Variants in MEAK7 observed in about 807,000 individuals in gnomAD.
MEAK7 encodes MTOR associated protein MEAK7.
A neutral mutation model predicts 40.5 loss-of-function variants in MEAK7; 68 were observed. The observed-to-expected ratio is 1.68, with a 90% CI of 1.38 to 2.06. The LOEUF (loss-of-function observed/expected upper bound fraction) is 2.06, where lower values mean the gene tolerates loss of function less well. MEAK7 is among the 30% of genes most tolerant of loss of function. The pLI is 0.00. For missense variants in MEAK7, 918 were observed against 580.5 expected, an observed-to-expected ratio of 1.58 and a Z score of -5.98; for synonymous variants, 338 against 231.9, an observed-to-expected ratio of 1.46 and a Z score of -4.16.
intron 7 of MEAK7, 42 bp from the exon 8 acceptor site, chr16:84,480,068 C>T: frequency 1.4e-6 from 2 of 1,464,834 alleles, no homozygotes; most frequent in South Asian, 1.3e-5. Context: ...CATGATGGCC[C>T]AACAAGAGGC....
At chr16:84,490,840 G>C (rs921698279) in intron 3 of MEAK7, among the ~76,000 whole-genome samples, 7 of 152,010 alleles carry the variant, frequency 4.6e-5, no homozygotes, top group Non-Finnish European at 1.0e-4. Flanking sequence ...TCCGCTGTAT[G>C]AAGGACCTAA....
chr16:84,486,704 G>A lies in MEAK7; in HGVS notation c.885C>T (p.Val295=), dbSNP rs1404896855. 1.9e-6 allele frequency: 3 copies of A among 1,613,880 alleles called. No homozygotes were observed. The highest frequency in any genetic ancestry group is 2.7e-5 in the African/African-American group (2 of 74,900). The change falls in exon 5 of 8, where the codon GTC becomes GTT. Residue 295 remains valine, a synonymous_variant. Coordinates refer to ENST00000343629, the MANE Select transcript of MEAK7 (RefSeq NM_020947.4). ...ACACATGCTTGTCATGGTCCTCGAGGACAGCCACACAGGGTCCCCGGTGAG... is the reference window on the plus strand; with the variant it reads ...ACACATGCTTGTCATGGTCCTCGAGAACAGCCACACAGGGTCCCCGGTGAG... ...HITHRGPCVA[V]LEDHDKHVFG... is the part of the protein sequence containing the mutation.
rs1056930551 is a variant in MEAK7 at position 84,497,439 on chromosome 16, C to G, written c.153+495G>C. ...CATACACATTCTAGAGGCAACGGTG[C>G]ACCTGACACGTCATGGTTCCTGGAC... is the stretch of plus-strand genomic sequence containing the variant. On this transcript the variant is annotated intron_variant, in intron 2 of 7. Coordinates refer to ENST00000343629, the MANE Select transcript of MEAK7 (RefSeq NM_020947.4). 5 of 1,288,992 alleles carry G rather than the reference C, an allele frequency of 3.9e-6. No individual in the cohort carries two copies. The African/African-American group carries it at 7.6e-5, about 20-fold the overall frequency. 79.8% of individuals were successfully genotyped at this position (1,288,992 alleles called of 1,614,324 possible). A position where few individuals can be genotyped will look rare whatever the true frequency, so the allele number is the denominator to read the frequency against.
chr16:84,496,160 C>G (rs1255436780), intron 2 of MEAK7, among the ~76,000 whole-genome samples: 1 of 152,192 alleles, frequency 6.6e-6, no homozygotes, highest in Non-Finnish European at 1.5e-5. Flanking sequence ...GCTTTCTTGC[C>G]CTTTCCCCAC....
intron 5 of MEAK7, among the ~76,000 whole-genome samples, chr16:84,485,809 G>A (rs543589018): frequency 7.2e-5 from 11 of 152,052 alleles, no homozygotes; most frequent in East Asian, 1.9e-4. Context: ...AGCCTCCCAC[G>A]TAGCTGGGAT....
chr16:84,489,478 G>C lies in MEAK7; in HGVS notation c.385-56C>G, dbSNP rs1864267. The C allele has an allele frequency of 4.2e-4, 646 of 1,526,262 alleles. 7 individuals carry two copies. Among genetic ancestry groups the C allele is most frequent in the Non-Finnish European group, 9.4e-5 (106 of 1,132,990 alleles). 94.5% of individuals were successfully genotyped at this position (1,526,262 alleles called of 1,614,324 possible). A position where few individuals can be genotyped will look rare whatever the true frequency, so the allele number is the denominator to read the frequency against. ...AGTTCCACCATATCCTGAGACCTAT[G>C]TCATGCCCACATGGAGAAGGGCAAT... On this transcript the variant is annotated intron_variant, in intron 3 of 7. Coordinates refer to ENST00000343629, the MANE Select transcript of MEAK7 (RefSeq NM_020947.4).
rs556728229 is a variant in MEAK7, at chr16:84,495,599, G to A, written c.384+84C>T. On this transcript the variant is annotated intron_variant, in intron 3 of 7. Transcript: ENST00000343629. The stretch of plus-strand genomic sequence containing the variant: ...AATACTTTTTGGTTTACTCCTCCAT[G>A]TGCCATGTAACTGGCCTCCATCCCC... 4 of 1,320,798 alleles carry A rather than the reference G, an allele frequency of 3.0e-6. No homozygotes were observed. The Admixed American group carries it at 5.3e-5, about 17-fold the overall frequency. 81.8% of individuals were successfully genotyped at this position (1,320,798 alleles called of 1,614,324 possible). A position where few individuals can be genotyped will look rare whatever the true frequency, so the allele number is the denominator to read the frequency against.
rs555583854 is a variant in MEAK7 at position 84,486,916 on chromosome 16, G to C, written c.673C>G (p.Leu225Val). ...CKGFLILCSSLDLTTLVPERQ... is the reference protein window; with the variant it reads ...CKGFLILCSSVDLTTLVPERQ... ...TCAGGGACCAGGGTAGTCAGATCAA[G>C]AGACGAGCACAGGATGAGAAAGCCC... Residue 225 changes from leucine to valine, a missense_variant, in exon 5 of 8, where the codon CTT (leucine) becomes GTT (valine). Leu to Val is a conservative substitution (Grantham distance 32). Transcript: ENST00000343629. The C allele has an allele frequency of 6.8e-6, 11 of 1,614,202 alleles. No individual in the cohort carries two copies. Among genetic ancestry groups the C allele is most frequent in the East Asian group, 2.2e-5 (1 of 44,880 alleles).
At chr16:84,497,104 T>A (rs575070648) in intron 2 of MEAK7, 1 of 176,132 alleles carries the variant, frequency 5.7e-6, no homozygotes, top group African/African-American at 2.4e-5. Flanking sequence ...CAGGATGGAG[T>A]GTGGTGGCTC....
chr16:84,479,808 G>A lies in MEAK7; in HGVS notation c.*105C>T. ...GGACTACCAGGCTGTGACCCGTGCGGTACGCTATTACAGTTAAACCATGTG... is the reference window on the plus strand; with the variant it reads ...GGACTACCAGGCTGTGACCCGTGCGATACGCTATTACAGTTAAACCATGTG... On this transcript the variant is annotated 3_prime_UTR_variant, in exon 8 of 8. Transcript: ENST00000343629. 5 of 794,620 alleles carry A rather than the reference G, an allele frequency of 6.3e-6. No individual in the cohort carries two copies. Among genetic ancestry groups the A allele is most frequent in the Non-Finnish European group, 9.5e-6 (5 of 525,758 alleles). The allele number at this position is 794,620 out of a possible 1,614,324, so 49.2% of individuals were successfully genotyped here.
Position 84,479,973 on chromosome 16 carries a change from C to T in MEAK7, c.1311G>A (p.Leu437=). ...TGTGGCGCGAATGCCCACTGATCTC[C>T]AGCAGGGCCTGGGCCTCAGGGTCCG... The part of the protein sequence containing the change: ...LDADPEAQAL[L]EISGHSRHSE... Residue 437 remains leucine, a synonymous_variant, in exon 8 of 8, where the codon CTG becomes CTA. Transcript: ENST00000343629. The T allele has an allele frequency of 6.2e-7, 1 of 1,609,718 alleles. No individual in the cohort carries two copies. The highest frequency in any genetic ancestry group is 8.5e-7 in the Non-Finnish European group (1 of 1,177,112).
chr16:84,499,128 G>A (rs745935277), intron 1 of MEAK7, among the ~76,000 whole-genome samples: 7 of 152,202 alleles, frequency 4.6e-5, no homozygotes, highest in African/African-American at 1.2e-4. Flanking sequence ...CTGGCACCAA[G>A]AGCAGGTGAC....
chr16:84,489,249 C>G, intron 4 of MEAK7, 29 bp downstream of exon 4: 1 of 1,609,698 alleles, frequency 6.2e-7, no homozygotes. Flanking sequence ...CAGCAAAAGA[C>G]CTGCATCACC....
intron 1 of MEAK7, among the ~76,000 whole-genome samples, chr16:84,502,102 C>T (rs1246600706): frequency 1.3e-5 from 2 of 152,026 alleles, no homozygotes; most frequent in African/African-American, 4.8e-5. Context: ...CAAGATCATG[C>T]CATTGCACTC....
chr16:84,482,114 C>A (rs1190635887), intron 6 of MEAK7, among the ~76,000 whole-genome samples: 7 of 152,154 alleles, frequency 4.6e-5, no homozygotes, highest in South Asian at 2.1e-4. Context: ...CCGCTTCCCC[C>A]TGCTTCCTGT....
At chr16:84,503,580 C>A (rs437432) in intron 1 of MEAK7, among the ~76,000 whole-genome samples, 31,013 of 152,086 alleles carry the variant, frequency 0.2, 3,511 homozygotes, top group Admixed American at 0.25. Context: ...TAATTAATTT[C>A]TTTAACATAA....
Position 84,486,961 on chromosome 16 carries a change from G to A in MEAK7, c.628C>T (p.Leu210=), listed in dbSNP as rs200184964. 1 of 1,614,160 alleles carries A rather than the reference G, an allele frequency of 6.2e-7. No individual in the cohort carries two copies. Among genetic ancestry groups the A allele is most frequent in the South Asian group, 1.1e-5 (1 of 91,078 alleles). The change falls in exon 5 of 8, where the codon CTG becomes TTG. Residue 210 remains leucine (L), a synonymous_variant. Coordinates refer to ENST00000343629, the MANE Select transcript of MEAK7 (RefSeq NM_020947.4). ...VFRVPHVAIF[L]SVVICKGFLI... is the part of the protein sequence containing the mutation. Reference sequence around the variant, plus strand: ...AAGCCCTTGCAAATGACCACACTCAGGAATATGGCCACATGGGGGACCCTG... The same window carrying A: ...AAGCCCTTGCAAATGACCACACTCAAGAATATGGCCACATGGGGGACCCTG...
In MEAK7 at chr16:84,485,667, T is replaced by C. The variant is rs77454940; in HGVS notation, c.958+964A>G. Among the ~76,000 whole-genome samples the C allele has an allele frequency of 6.6e-3, 964 of 145,990 alleles. 3 individuals are homozygous for C. Among genetic ancestry groups the C allele is most frequent in the Middle Eastern group, 0.014 (4 of 288 alleles). On this transcript the variant is annotated intron_variant, in intron 5 of 7. Transcript: ENST00000343629. The stretch of plus-strand genomic sequence containing the variant: ...CCATCCATCCATCCATCCATCCATC[T>C]ATCTACCTATCTATCTATCTATCTA...
intron 1 of MEAK7, chr16:84,502,606 A>G (rs1437808144): frequency 6.6e-6 from 1 of 151,970 alleles, no homozygotes; most frequent in East Asian, 1.9e-4. Context: ...AGGGACTGAA[A>G]GCTTTCCATC....
Sources: gnomAD v4.1 joint callset for allele counts (sites outside exome capture counted in the v4.1 genomes callset) on GRCh38, gnomAD v4.1.1 for gene constraint, MANE v1.5 for transcripts, NCBI Gene and HGNC (gene_info 2026-07-23, HGNC 2026-07-21) for gene names.